The following TBC1D22A variants were observed in gnomAD, a reference collection of about 807,000 sequenced individuals.
TBC1D22A encodes the protein TBC1 domain family member 22A.
TBC1D22A carries 38 observed loss-of-function variants against 60.2 expected under a neutral mutation model. The ratio of observed to expected loss-of-function variants is 0.63; its 90% CI spans 0.49 to 0.83. TBC1D22A has a LOEUF of 0.83. TBC1D22A is among the 40% of genes least tolerant of loss of function. The pLI is 0.00. For synonymous variants in TBC1D22A, 302 were observed against 281.7 expected, an observed-to-expected ratio of 1.07 and a Z score of -0.72; for missense variants, 628 against 701.0, an observed-to-expected ratio of 0.90 and a Z score of 1.18.
chr22:47,138,706 A>G (rs2066970649), intron 12 of TBC1D22A, among the ~76,000 whole-genome samples: 1 of 152,214 alleles, frequency 6.6e-6, no homozygotes. Context: ...GTGGGCTTAG[A>G]AACAGCAGTC....
intron 8 of TBC1D22A, among the ~76,000 whole-genome samples, chr22:46,967,627 C>A (rs1181238630): frequency 6.6e-6 from 1 of 152,200 alleles, no homozygotes; most frequent in Admixed American, 6.5e-5. Context: ...CCATACCTTG[C>A]TACCAGTGTC....
At chr22:46,888,675 C>T (rs2068242118) in intron 5 of TBC1D22A, among the ~76,000 whole-genome samples, 1 of 152,192 alleles carries the variant, frequency 6.6e-6, no homozygotes, top group Admixed American at 6.5e-5. Flanking sequence ...CCAGGCACAG[C>T]AGTAAGACTG....
intron 11 of TBC1D22A, among the ~76,000 whole-genome samples, chr22:47,060,438 TG>T: frequency 6.6e-6 from 1 of 151,862 alleles, no homozygotes; most frequent in African/African-American, 2.4e-5. Flanking sequence ...GTTGTTGTTT[TG>T]GTTTTTTCTG....
chr22:46,835,004 G>A (rs2086457614), intron 4 of TBC1D22A, among the ~76,000 whole-genome samples: 2 of 152,226 alleles, frequency 1.3e-5, no homozygotes, highest in Admixed American at 1.3e-4. Context: ...GCCTGGCTTT[G>A]TGGGATTGAG....
intron 8 of TBC1D22A, among the ~76,000 whole-genome samples, chr22:46,928,998 G>C (rs80156346): frequency 8.5e-5 from 13 of 152,062 alleles, no homozygotes; most frequent in African/African-American, 2.9e-4. Context: ...GTTTCTTCTG[G>C]GGGGAGGCAA....
intron 9 of TBC1D22A, among the ~76,000 whole-genome samples, chr22:46,975,737 G>A (rs1360509417): frequency 6.6e-6 from 1 of 152,146 alleles, no homozygotes; most frequent in Non-Finnish European, 1.5e-5. Context: ...TATAGCCTGT[G>A]GTCTAAGGTT....
chr22:46,903,939 A>G (rs761575979), intron 7 of TBC1D22A, among the ~76,000 whole-genome samples: 79 of 152,096 alleles, frequency 5.2e-4, no homozygotes, highest in Non-Finnish European at 3.1e-4. Context: ...CCGTGGACGC[A>G]CCTTCAAGGG....
chr22:47,075,162 G>T (rs571059716), intron 11 of TBC1D22A, among the ~76,000 whole-genome samples: 1 of 150,484 alleles, frequency 6.6e-6, no homozygotes, highest in African/African-American at 2.5e-5. Flanking sequence ...GGCGGAGCTT[G>T]CAGTGAGACG....
chr22:47,071,100 G>T (rs1344355738), intron 11 of TBC1D22A, among the ~76,000 whole-genome samples: 2 of 152,204 alleles, frequency 1.3e-5, no homozygotes, highest in Admixed American at 6.5e-5. Context: ...CCCCATACCT[G>T]TGCTTATTTC....
chr22:46,774,629 G>A (rs753032825), intron 1 of TBC1D22A, among the ~76,000 whole-genome samples: 9 of 152,352 alleles, frequency 5.9e-5, no homozygotes, highest in African/African-American at 1.2e-4. Context: ...TCTGCCTTCC[G>A]TAAACGGCCT....
intron 3 of TBC1D22A, among the ~76,000 whole-genome samples, chr22:46,795,983 C>G (rs2084632971): frequency 6.6e-6 from 1 of 152,180 alleles, no homozygotes; most frequent in African/African-American, 2.4e-5. Flanking sequence ...CCCCTCTGCT[C>G]AGGTGCTGGT....
chr22:46,792,658 C>G, intron 2 of TBC1D22A, 82 bp downstream of exon 2: 1 of 1,612,858 alleles, frequency 6.2e-7, no homozygotes. Flanking sequence ...TGCTTCCTTC[C>G]TGCTCCCAGG....
intron 4 of TBC1D22A, among the ~76,000 whole-genome samples, chr22:46,832,097 T>C (rs1276313338): frequency 6.6e-6 from 1 of 152,028 alleles, no homozygotes. Context: ...TTCTGGAAAA[T>C]GGTGGGGGCC....
rs1455100869 is a variant in TBC1D22A at position 47,173,410 on chromosome 22, C to T, written c.1426-88C>T. 5 of 1,555,614 alleles carry T rather than the reference C, an allele frequency of 3.2e-6. No individual in the cohort carries two copies. The South Asian group carries it at 4.7e-5, about 15-fold the overall frequency. ...CGTGGGTCACCTCCTCTGACCTGGG[C>T]TTGTATCTTTCCCTCCAGTTTTCTG... On this transcript the variant is annotated intron_variant, in intron 12 of 12. Transcript: ENST00000337137.
chr22:47,115,144 G>A (rs547109077), intron 12 of TBC1D22A, among the ~76,000 whole-genome samples: 11 of 152,252 alleles, frequency 7.2e-5, no homozygotes, highest in Admixed American at 2.0e-4. Context: ...TGGAGTGAAC[G>A]TTGGCCCTGT....
At chr22:46,909,046 G>C (rs1197152523) in intron 7 of TBC1D22A, among the ~76,000 whole-genome samples, 1 of 152,172 alleles carries the variant, frequency 6.6e-6, no homozygotes, top group East Asian at 1.9e-4. Flanking sequence ...TTGTTGTGCC[G>C]AGAGGACTTG....
intron 1 of TBC1D22A, among the ~76,000 whole-genome samples, chr22:46,766,187 C>T (rs568726271): frequency 7.9e-5 from 12 of 152,004 alleles, no homozygotes; most frequent in African/African-American, 2.9e-4. Flanking sequence ...TTGGTAGAGA[C>T]GGGGTTTCAC....
At chr22:46,797,044 C>T (rs148033431) in intron 3 of TBC1D22A, among the ~76,000 whole-genome samples, 83 of 152,314 alleles carry the variant, frequency 5.4e-4, no homozygotes, top group African/African-American at 2.0e-3. Context: ...TGGTAACTCA[C>T]GGGCTTGCCC....
At chr22:46,913,543 G>A in intron 8 of TBC1D22A, 1 of 1,230,896 alleles carries the variant, frequency 8.1e-7, no homozygotes, top group Non-Finnish European at 1.0e-6. Flanking sequence ...AGCTGCCTCG[G>A]CTCACTCCCT....
Sources: allele counts gnomAD v4.1 joint callset (sites outside exome capture counted in the v4.1 genomes callset), GRCh38; gene constraint gnomAD v4.1.1; transcripts MANE v1.5; gene names NCBI Gene and HGNC (gene_info 2026-07-23, HGNC 2026-07-21).